TRIP12: variants seen among roughly 807,000 people sequenced by gnomAD.
The protein encoded by TRIP12 is E3 ubiquitin-protein ligase TRIP12.
In TRIP12, 25 loss-of-function variants were observed where a neutral mutation model predicts 244.2. The ratio of observed to expected loss-of-function variants is 0.10; its 90% CI spans 0.07 to 0.14. TRIP12 has a LOEUF of 0.14. Among genes scored for constraint, TRIP12 ranks in the 10% least tolerant of loss-of-function variants. TRIP12 has a pLI of 1.00. For missense variants in TRIP12, 1,677 were observed against 2,486.4 expected (o/e 0.67, Z 6.92); for synonymous variants, 905 against 873.1 (o/e 1.04, Z -0.64).
At chr2:229,812,385 CTA>C (rs2047479516) in intron 13 of TRIP12, among the ~76,000 whole-genome samples, 1 of 152,118 alleles carries the variant, frequency 6.6e-6, no homozygotes, top group Non-Finnish European at 1.5e-5. Flanking sequence ...CCCCAGCCAA[CTA>C]TGTTTTTTAA....
At chr2:229,796,902 G>C in intron 24 of TRIP12, 120 bp from the exon 25 acceptor site, 1 of 819,544 alleles carries the variant, frequency 1.2e-6, no homozygotes, top group Non-Finnish European at 1.8e-6. Flanking sequence ...AGAGGGCAGG[G>C]GAGTGGTACA....
At chr2:229,824,375 G>T (rs1433723966) in intron 8 of TRIP12, among the ~76,000 whole-genome samples, 1 of 152,082 alleles carries the variant, frequency 6.6e-6, no homozygotes, top group Non-Finnish European at 1.5e-5. Context: ...AACTCCAAAT[G>T]GGGGGGAGTT....
At chr2:229,921,198 G>C (rs2076476919) in intron 1 of TRIP12, 1 of 152,078 alleles carries the variant, frequency 6.6e-6, no homozygotes, top group South Asian at 2.1e-4. Context: ...AAACTGCCCC[G>C]CGCAGACCCC....
intron 4 of TRIP12, among the ~76,000 whole-genome samples, chr2:229,857,838 AAC>A (rs1294414260): frequency 2.0e-5 from 3 of 152,196 alleles, no homozygotes. Flanking sequence ...GTATTCTCAA[AAC>A]ACAAATTCTT....
chr2:229,801,525 T>C (rs1193515635), intron 21 of TRIP12, among the ~76,000 whole-genome samples: 3 of 152,220 alleles, frequency 2.0e-5, no homozygotes, highest in Admixed American at 2.0e-4. Flanking sequence ...AGTGAATACA[T>C]ACTGAATTTC....
At chr2:229,835,952 TA>T (rs1267057436) in intron 6 of TRIP12, among the ~76,000 whole-genome samples, 1 of 152,156 alleles carries the variant, frequency 6.6e-6, no homozygotes, top group African/African-American at 2.4e-5. Context: ...TCTCCCACCA[TA>T]TAATTTATCA....
intron 2 of TRIP12, among the ~76,000 whole-genome samples, chr2:229,877,447 C>T (rs192103434): frequency 6.6e-6 from 1 of 152,258 alleles, no homozygotes; most frequent in Admixed American, 6.5e-5. Flanking sequence ...GCAGGAGAAT[C>T]ACTTGAACCC....
chr2:229,769,811 T>C (rs2033521332), intron 39 of TRIP12, among the ~76,000 whole-genome samples: 1 of 152,148 alleles, frequency 6.6e-6, no homozygotes, highest in South Asian at 2.1e-4. Flanking sequence ...TTACACTTTG[T>C]AGAGAGGCAT....
chr2:229,908,026 C>A (rs1200253434), intron 1 of TRIP12, among the ~76,000 whole-genome samples: 1 of 151,666 alleles, frequency 6.6e-6, no homozygotes, highest in Non-Finnish European at 1.5e-5. Flanking sequence ...TAAACTGAAT[C>A]TCAGTGTTCG....
intron 8 of TRIP12, among the ~76,000 whole-genome samples, chr2:229,828,581 TC>T (rs1325370982): frequency 1.3e-5 from 2 of 151,732 alleles, no homozygotes; most frequent in African/African-American, 2.4e-5. Context: ...AGATCAGCCA[TC>T]CAACATAGTG....
intron 1 of TRIP12, among the ~76,000 whole-genome samples, chr2:229,896,381 T>C (rs918953138): frequency 2.0e-5 from 3 of 152,132 alleles, no homozygotes; most frequent in Non-Finnish European, 4.4e-5. Context: ...CTCACACCTG[T>C]AATCCCAGCA....
chr2:229,791,387 T>C, intron 29 of TRIP12, 136 bp from the exon 30 acceptor site: 6 of 1,054,258 alleles, frequency 5.7e-6, no homozygotes, highest in Non-Finnish European at 8.2e-6. Context: ...AGTGTGAATC[T>C]GGAGAACTTC....
chr2:229,861,495 G>GA (rs2060481932), intron 2 of TRIP12, among the ~76,000 whole-genome samples: 1 of 151,976 alleles, frequency 6.6e-6, no homozygotes, highest in Non-Finnish European at 1.5e-5. Context: ...TGAAAATCTA[G>GA]AAAAAAGTTT....
intron 7 of TRIP12, 37 bp from the exon 8 acceptor site, chr2:229,829,325 T>A: frequency 6.4e-7 from 1 of 1,551,306 alleles, no homozygotes; most frequent in Admixed American, 1.8e-5. Context: ...ACAACTAAGA[T>A]GACTTCATGC....
chr2:229,796,396 T>C (rs1258669468), intron 25 of TRIP12, among the ~76,000 whole-genome samples, 195 bp downstream of exon 25: 1 of 152,240 alleles, frequency 6.6e-6, no homozygotes, highest in Non-Finnish European at 1.5e-5. Flanking sequence ...ACATGGGCTT[T>C]GTTAAATCCC....
intron 34 of TRIP12, among the ~76,000 whole-genome samples, chr2:229,784,372 A>AATAT (rs149072989): frequency 1.1e-4 from 16 of 149,356 alleles, no homozygotes; most frequent in Non-Finnish European, 2.2e-4. Flanking sequence ...AACTGTAATT[A>AATAT]ATATATATAT....
At chr2:229,886,283 C>G (rs986965902) in intron 1 of TRIP12, among the ~76,000 whole-genome samples, 7 of 152,054 alleles carry the variant, frequency 4.6e-5, no homozygotes, top group African/African-American at 1.7e-4. Context: ...TTAAGGGCAA[C>G]AGAAATTTAC....
rs368143785 is a variant in TRIP12, at chr2:229,860,442, G to T, written c.188C>A (p.Thr63Asn). ...GTGTCCCCTTGACAGTTCAGAAGTA[G>T]TATTAGACTGCACTTTGGGTGCCTT... is the stretch of plus-strand genomic sequence containing the variant. ...NSKAPKVQSN[T>N]TSELSRGHLS... Residue 63 changes from threonine to asparagine, a missense_variant, in exon 3 of 42, where the codon ACT (threonine) becomes AAT (asparagine). Transcript: ENST00000675903. 5 of 1,611,644 alleles carry T rather than the reference G, an allele frequency of 3.1e-6. No individual in the cohort carries two copies. The African/African-American group carries it at 4.0e-5, about 13-fold the overall frequency.
At chr2:229,784,372 A>T (rs942889951) in intron 34 of TRIP12, among the ~76,000 whole-genome samples, 12 of 149,266 alleles carry the variant, frequency 8.0e-5, no homozygotes, top group Non-Finnish European at 1.3e-4. Context: ...AACTGTAATT[A>T]ATATATATAT....
Sources: gnomAD v4.1 joint callset for allele counts (sites outside exome capture counted in the v4.1 genomes callset) on GRCh38, gnomAD v4.1.1 for gene constraint, MANE v1.5 for transcripts, NCBI Gene and HGNC (gene_info 2026-07-23, HGNC 2026-07-21) for gene names.